The following OXCT1 variants were observed in gnomAD, a reference collection of about 807,000 sequenced individuals.
OXCT1 encodes succinyl-CoA:3-ketoacid coenzyme A transferase 1, mitochondrial.
In OXCT1, 27 loss-of-function variants were observed where a neutral mutation model predicts 69.6. The ratio of observed to expected loss-of-function variants is 0.39; its 90% CI spans 0.29 to 0.54. The LOEUF (loss-of-function observed/expected upper bound fraction) is 0.54. Among genes scored for constraint, OXCT1 ranks in the 20% least tolerant of loss-of-function variants. The pLI, the probability that OXCT1 is intolerant of heterozygous loss-of-function variation, is 0.72. For missense variants in OXCT1, 437 were observed against 650.2 expected (o/e 0.67, Z 3.57); for synonymous variants, 202 against 217.8 (o/e 0.93, Z 0.64).
intron 7 of OXCT1, among the ~76,000 whole-genome samples, chr5:41,812,663 C>G (rs1275270681): frequency 6.6e-6 from 1 of 151,916 alleles, no homozygotes; most frequent in Non-Finnish European, 1.5e-5. Flanking sequence ...AAATGATAAT[C>G]ACTACTGCTT....
At chr5:41,763,490 CATA>C (rs1481701491) in intron 13 of OXCT1, among the ~76,000 whole-genome samples, 5 of 152,008 alleles carry the variant, frequency 3.3e-5, no homozygotes, top group African/African-American at 7.2e-5. Context: ...TTAAGTTGGT[CATA>C]ATATTTCTGT....
chr5:41,775,987 GA>G (rs937059391), intron 13 of OXCT1, among the ~76,000 whole-genome samples: 2 of 152,016 alleles, frequency 1.3e-5, no homozygotes, highest in Admixed American at 1.3e-4. Context: ...GTAGGGAAGG[GA>G]AAAACTAGTA....
intron 1 of OXCT1, among the ~76,000 whole-genome samples, chr5:41,867,656 G>T (rs1561141813): frequency 6.6e-6 from 1 of 152,208 alleles, no homozygotes; most frequent in Admixed American, 6.5e-5. Context: ...CCACTTTATG[G>T]CTAGTTTGCT....
intron 15 of OXCT1, among the ~76,000 whole-genome samples, chr5:41,743,522 G>C (rs1743301604): frequency 1.3e-5 from 2 of 152,174 alleles, no homozygotes; most frequent in South Asian, 4.1e-4. Flanking sequence ...TGTTGCCATT[G>C]CTTTTGGTGT....
chr5:41,754,772 C>A (rs1310701922), intron 14 of OXCT1, among the ~76,000 whole-genome samples: 1 of 151,912 alleles, frequency 6.6e-6, no homozygotes, highest in Admixed American at 6.6e-5. Context: ...AAGCAGAGAA[C>A]ATTTGCTATT....
At chr5:41,759,326 C>A (rs937168750) in intron 14 of OXCT1, among the ~76,000 whole-genome samples, 11 of 152,084 alleles carry the variant, frequency 7.2e-5, no homozygotes, top group Non-Finnish European at 1.3e-4. Context: ...AGCACCTCCA[C>A]CTGGTAAGGA....
In OXCT1 at chr5:41,851,209, TTAA is replaced by T. The variant is rs1266225148; in HGVS notation, c.415-1033_415-1031del. Among the ~76,000 whole-genome samples, 13 of 152,282 alleles carry T rather than the reference TTAA, an allele frequency of 8.5e-5. No homozygotes were observed. In the East Asian group the frequency reaches 2.5e-3, roughly 29 times the overall value. On this transcript the variant is annotated intron_variant, in intron 4 of 16. Transcript: ENST00000196371. Reference sequence around the variant, plus strand: ...CCAACCTTAAAAAGTATTTTCTACTTTAACAGGACTCTAAGTATTCAACTCAAA... The same window carrying T: ...CCAACCTTAAAAAGTATTTTCTACTTCAGGACTCTAAGTATTCAACTCAAA...
At chr5:41,736,884 T>A (rs990122930) in intron 16 of OXCT1, among the ~76,000 whole-genome samples, 6 of 152,224 alleles carry the variant, frequency 3.9e-5, no homozygotes, top group Admixed American at 6.5e-5. Context: ...TGGAGTACAA[T>A]GCTAGCTATG....
At chr5:41,843,694 C>CTTGCACTTT in intron 5 of OXCT1, 2 of 411,512 alleles carry the variant, frequency 4.9e-6, no homozygotes, top group South Asian at 3.5e-5. Context: ...CTCATCCCTA[C>CTTGCACTTT]CGCACCCCCT....
At chr5:41,793,535 T>G (rs1030137493) in intron 13 of OXCT1, among the ~76,000 whole-genome samples, 2 of 152,238 alleles carry the variant, frequency 1.3e-5, no homozygotes, top group Non-Finnish European at 2.9e-5. Context: ...TCACAGGTTT[T>G]GAATTCCATA....
chr5:41,739,726 C>T, intron 15 of OXCT1: 3 of 381,670 alleles, frequency 7.9e-6, no homozygotes, highest in South Asian at 6.5e-5. Flanking sequence ...AAAAAATTAG[C>T]TGGGCATGGT....
chr5:41,745,722 CCA>C (rs1743449104), intron 15 of OXCT1, among the ~76,000 whole-genome samples: 1 of 152,092 alleles, frequency 6.6e-6, no homozygotes, highest in Non-Finnish European at 1.5e-5. Context: ...GGGGATATCA[CCA>C]CCGATCCCAC....
chr5:41,840,094 T>C (rs1168073348), intron 7 of OXCT1, among the ~76,000 whole-genome samples: 1 of 152,236 alleles, frequency 6.6e-6, no homozygotes, highest in Non-Finnish European at 1.5e-5. Context: ...CACAGTAAGA[T>C]CATGAACTTC....
intron 3 of OXCT1, among the ~76,000 whole-genome samples, chr5:41,857,341 A>T (rs1362357769): frequency 6.6e-6 from 1 of 152,170 alleles, no homozygotes; most frequent in African/African-American, 2.4e-5. Flanking sequence ...GTCCCATGTG[A>T]TCAGTTGCCC....
At chr5:41,757,634 A>G (rs1007562339) in intron 14 of OXCT1, among the ~76,000 whole-genome samples, 3 of 152,090 alleles carry the variant, frequency 2.0e-5, no homozygotes, top group Non-Finnish European at 2.9e-5. Flanking sequence ...AAGACAAAAC[A>G]TCAAAGAATA....
intron 13 of OXCT1, among the ~76,000 whole-genome samples, chr5:41,780,938 C>CT (rs1745367514): frequency 6.6e-6 from 1 of 150,412 alleles, no homozygotes; most frequent in Admixed American, 6.6e-5. Context: ...GAGTCTCGCT[C>CT]TGTCACCTAG....
chr5:41,785,909 GGGGAGTGCAGATA>G (rs1745619069), intron 13 of OXCT1, among the ~76,000 whole-genome samples: 1 of 152,314 alleles, frequency 6.6e-6, no homozygotes, highest in Admixed American at 6.5e-5. Flanking sequence ...CCTGAAAGAT[GGGGAGTGCAGATA>G]GGGAGTGCTG....
intron 13 of OXCT1, 127 bp downstream of exon 13, chr5:41,793,876 C>T (rs893206019): frequency 6.5e-5 from 44 of 678,978 alleles, no homozygotes; most frequent in Admixed American, 2.1e-4. Flanking sequence ...AAATTTGATT[C>T]TAGTAAGAAA....
At chr5:41,800,455 C>T (rs1746370101) in intron 11 of OXCT1, among the ~76,000 whole-genome samples, 1 of 151,776 alleles carries the variant, frequency 6.6e-6, no homozygotes, top group African/African-American at 2.4e-5. Flanking sequence ...ACTTGAGATT[C>T]GCCAGTGGGA....
Sources: gnomAD v4.1 joint callset for allele counts (sites outside exome capture counted in the v4.1 genomes callset) on GRCh38, gnomAD v4.1.1 for gene constraint, MANE v1.5 for transcripts, NCBI Gene and HGNC (gene_info 2026-07-23, HGNC 2026-07-21) for gene names.